The following KCNQ3 variants were observed in gnomAD, a reference collection of about 807,000 sequenced individuals.
The protein encoded by KCNQ3 is potassium voltage-gated channel subfamily KQT member 3.
Under a neutral mutation model 92.5 loss-of-function variants are expected in KCNQ3, and 30 were observed. That is an observed-to-expected ratio of 0.32 (90% CI 0.24 to 0.44). KCNQ3 has a LOEUF of 0.44. KCNQ3 is among the 20% of genes least tolerant of loss of function. KCNQ3 has a pLI of 1.00. For missense variants in KCNQ3, 913 were observed against 1,140.3 expected (o/e 0.80, Z 2.87); for synonymous variants, 450 against 468.8 (o/e 0.96, Z 0.52).
chr8:132,391,258 A>C lies in KCNQ3; in HGVS notation c.386+88889T>G, dbSNP rs375323737. ...AACTACCCATGAAGATGATGGTATC[A>C]AAAGGGCAGAGCTTAAAACTTCATT... On this transcript the variant is annotated intron_variant, in intron 1 of 14. Coordinates refer to ENST00000388996, the MANE Select transcript of KCNQ3 (RefSeq NM_004519.4). 1.6e-3 allele frequency among the ~76,000 whole-genome samples: 242 copies of C among 152,312 alleles called. 12 individuals carry two copies. The South Asian group carries it at 0.049, about 31-fold the overall frequency.
At chr8:132,340,707 G>C (rs1818505132) in intron 1 of KCNQ3, among the ~76,000 whole-genome samples, 1 of 152,138 alleles carries the variant, frequency 6.6e-6, no homozygotes, top group African/African-American at 2.4e-5. Context: ...GATAGGTACA[G>C]AAAACCACCA....
At chr8:132,355,740 CATATAGTCCCCTTTGTGCCT>C (rs1473590133) in intron 1 of KCNQ3, among the ~76,000 whole-genome samples, 1 of 152,170 alleles carries the variant, frequency 6.6e-6, no homozygotes, top group Non-Finnish European at 1.5e-5. Flanking sequence ...GACATGAGCT[CATATAGTCCCCTTTGTGCCT>C]AGTCTTCGGA....
chr8:132,402,414 C>A (rs916329803), intron 1 of KCNQ3, among the ~76,000 whole-genome samples: 11 of 152,162 alleles, frequency 7.2e-5, no homozygotes, highest in African/African-American at 2.7e-4. Context: ...TAAATAGAAA[C>A]CTTCAGCACA....
intron 1 of KCNQ3, among the ~76,000 whole-genome samples, chr8:132,375,403 C>T (rs1246290387): frequency 6.6e-6 from 1 of 152,156 alleles, no homozygotes; most frequent in African/African-American, 2.4e-5. Context: ...CAGCTGAGCT[C>T]ACATCTCTGC....
rs757583944 is a variant in KCNQ3 at position 132,141,173 on chromosome 8, G to A, written c.1421C>T (p.Thr474Met). 15 of 1,614,040 alleles carry A rather than the reference G, an allele frequency of 9.3e-6. No homozygotes were observed. The Admixed American group carries it at 1.0e-4, about 11-fold the overall frequency. The change falls in exon 10 of 15, where the codon ACG becomes ATG. Residue 474 changes from threonine (T) to methionine (M), a missense_variant. Physicochemically the swap from Thr to Met is moderately conservative, Grantham distance 81. Coordinates refer to ENST00000388996, the MANE Select transcript of KCNQ3 (RefSeq NM_004519.4). ...VGLNNKERFR[T>M]AFRMKAYAFW... The stretch of plus-strand genomic sequence containing the variant: ...AGCGTAGGCTTTCATGCGGAAGGCC[G>A]TGCGGAAACGCTCTTTATTGTTTAA...
intron 1 of KCNQ3, among the ~76,000 whole-genome samples, chr8:132,463,818 T>C (rs1822112208): frequency 6.6e-6 from 1 of 152,266 alleles, no homozygotes; most frequent in Non-Finnish European, 1.5e-5. Context: ...CATCATTTTT[T>C]CTTTTATTCT....
chr8:132,462,424 G>C (rs112346795), intron 1 of KCNQ3, among the ~76,000 whole-genome samples: 7,620 of 152,278 alleles, frequency 0.05, 294 homozygotes, highest in Middle Eastern at 0.092. Flanking sequence ...TTGACCTCAA[G>C]TGATCTACCC....
At chr8:132,447,290 A>G in intron 1 of KCNQ3, 1 of 1,523,232 alleles carries the variant, frequency 6.6e-7, no homozygotes, top group Non-Finnish European at 8.8e-7. Context: ...AAATAACCCT[A>G]AAGCAGGGCA....
At chr8:132,253,897 C>T (rs1815493811) in intron 1 of KCNQ3, among the ~76,000 whole-genome samples, 1 of 152,166 alleles carries the variant, frequency 6.6e-6, no homozygotes, top group African/African-American at 2.4e-5. Context: ...CTCTGAAAGC[C>T]CCTGGAAAAT....
rs1246517737 is a variant in KCNQ3, at chr8:132,187,831, A to G, written c.387-1650T>C. Among the ~76,000 whole-genome samples the G allele has an allele frequency of 7.2e-3, 617 of 85,494 alleles. 8 individuals are homozygous for G. Among genetic ancestry groups the G allele is most frequent in the African/African-American group, 0.032 (563 of 17,464 alleles). The allele number at this position is 85,494 out of a possible 152,430, so 56.1% of individuals were successfully genotyped here. On this transcript the variant is annotated intron_variant, in intron 1 of 14. Coordinates refer to ENST00000388996, the MANE Select transcript of KCNQ3 (RefSeq NM_004519.4). Reference sequence around the variant, plus strand: ...GATGGTGGTGGTGGTGGTGGTGGTGATTGTGGTGGTGGTGGTGGTAGTGAT... The same window carrying G: ...GATGGTGGTGGTGGTGGTGGTGGTGGTTGTGGTGGTGGTGGTGGTAGTGAT...
chr8:132,132,343 G>A (rs1229074975), intron 13 of KCNQ3, 79 bp from the exon 14 acceptor site: 1 of 1,065,388 alleles, frequency 9.4e-7, no homozygotes, highest in East Asian at 2.4e-5. Context: ...GGCAGGCCAT[G>A]GCCAACAGAG....
At chr8:132,316,471 T>A (rs1307349937) in intron 1 of KCNQ3, among the ~76,000 whole-genome samples, 1 of 152,200 alleles carries the variant, frequency 6.6e-6, no homozygotes, top group Non-Finnish European at 1.5e-5. Context: ...GATTTCTCAT[T>A]AGTAAAGCAG....
At chr8:132,192,743 G>A (rs899871957) in intron 1 of KCNQ3, among the ~76,000 whole-genome samples, 11 of 152,122 alleles carry the variant, frequency 7.2e-5, no homozygotes, top group Admixed American at 3.3e-4. Flanking sequence ...TCTGCCTTCC[G>A]GGTTCAAGCG....
intron 1 of KCNQ3, among the ~76,000 whole-genome samples, chr8:132,431,915 A>G (rs1197082964): frequency 6.6e-6 from 1 of 152,100 alleles, no homozygotes; most frequent in Non-Finnish European, 1.5e-5. Flanking sequence ...GGGGGCCTGG[A>G]TTCACACCTC....
At chr8:132,184,552 C>T (rs1237054561) in intron 2 of KCNQ3, among the ~76,000 whole-genome samples, 185 bp from the exon 3 acceptor site, 1 of 152,150 alleles carries the variant, frequency 6.6e-6, no homozygotes, top group Non-Finnish European at 1.5e-5. Flanking sequence ...CACCGCCATT[C>T]AGTTTGGAGG....
chr8:132,350,747 C>T (rs369552892), intron 1 of KCNQ3, among the ~76,000 whole-genome samples: 7 of 152,304 alleles, frequency 4.6e-5, no homozygotes, highest in African/African-American at 1.4e-4. Context: ...ACAAACACTA[C>T]CTGGTATTGG....
chr8:132,136,348 T>G (rs1825092741), intron 12 of KCNQ3, among the ~76,000 whole-genome samples: 1 of 151,972 alleles, frequency 6.6e-6, no homozygotes, highest in African/African-American at 2.4e-5. Flanking sequence ...TGCAATAGGA[T>G]TTTGGTTTCC....
intron 1 of KCNQ3, among the ~76,000 whole-genome samples, chr8:132,440,574 C>A (rs1299276024): frequency 6.6e-6 from 1 of 152,148 alleles, no homozygotes; most frequent in East Asian, 1.9e-4. Flanking sequence ...CCATGTCGGT[C>A]GTGGGAAACT....
chr8:132,479,949 A>AACACACACACACACACACAC lies in KCNQ3; in HGVS notation c.386+178_386+197dup, dbSNP rs371967111. 5.0e-4 allele frequency among the ~76,000 whole-genome samples: 69 copies of AACACACACACACACACACAC among 137,178 alleles called. 1 individual carries two copies. The highest frequency in any genetic ancestry group is 2.6e-3 in the East Asian group (11 of 4,170). The allele number at this position is 137,178 out of a possible 152,430, so 90.0% of individuals were successfully genotyped here. ...TAGTGTGGAACACCCGGAGAGCGGC[A>AACACACACACACACACACAC]ACACACACACACACACACACACACA... is the stretch of plus-strand genomic sequence containing the variant. On this transcript the variant is annotated intron_variant, in intron 1 of 14. Transcript: ENST00000388996.
Sources: allele counts gnomAD v4.1 joint callset (sites outside exome capture counted in the v4.1 genomes callset), GRCh38; gene constraint gnomAD v4.1.1; transcripts MANE v1.5; gene names NCBI Gene and HGNC (gene_info 2026-07-23, HGNC 2026-07-21).